Variants in C1orf146 observed in about 807,000 individuals in gnomAD.
The protein encoded by C1orf146 is protein SPO16 homolog.
In C1orf146, 22 loss-of-function variants were observed where a neutral mutation model predicts 23.0. The observed-to-expected ratio is 0.96, with a 90% confidence interval of 0.68 to 1.36. The LOEUF (loss-of-function observed/expected upper bound fraction) is 1.36, where lower values mean the gene tolerates loss of function less well. C1orf146 is among the 40% of genes most tolerant of loss of function. C1orf146 has a pLI of 0.00. For missense variants in C1orf146, 199 were observed against 206.8 expected (o/e 0.96, Z 0.23); for synonymous variants, 59 against 65.3 (o/e 0.90, Z 0.47).
chr1:92,226,418 C>CACAT (rs1481194444), intron 1 of C1orf146, among the ~76,000 whole-genome samples: 2 of 149,580 alleles, frequency 1.3e-5, no homozygotes, highest in East Asian at 3.9e-4. Context: ...CACACACATA[C>CACAT]ACACACACAC....
chr1:92,233,390 T>C (rs1437939359), intron 2 of C1orf146, among the ~76,000 whole-genome samples: 1 of 152,018 alleles, frequency 6.6e-6, no homozygotes, highest in Non-Finnish European at 1.5e-5. Context: ...TGCTTGTTTT[T>C]CTCAGGTTTG....
At chr1:92,240,788 T>G in intron 2 of C1orf146, 1 of 298,962 alleles carries the variant, frequency 3.3e-6, no homozygotes, top group South Asian at 3.1e-5. Context: ...CCTCCCAAAG[T>G]GCTAGGATTA....
chr1:92,245,414 A>G (rs1570802221), intron 5 of C1orf146, 126 bp from the exon 6 acceptor site: 2 of 714,624 alleles, frequency 2.8e-6, no homozygotes, highest in Admixed American at 3.4e-5. Flanking sequence ...TAACTCATAC[A>G]TAGTATTTAG....
intron 2 of C1orf146, among the ~76,000 whole-genome samples, chr1:92,231,795 T>C (rs979352933): frequency 1.5e-4 from 23 of 152,102 alleles, no homozygotes; most frequent in African/African-American, 5.3e-4. Flanking sequence ...TATATATTAG[T>C]TAAGGCTTTC....
At chr1:92,219,805 C>G (rs1359044901) in intron 1 of C1orf146, among the ~76,000 whole-genome samples, 2 of 152,038 alleles carry the variant, frequency 1.3e-5, no homozygotes, top group African/African-American at 4.8e-5. Flanking sequence ...TAGGTGTGTG[C>G]CACTGTGCCC....
chr1:92,244,484 C>G, intron 4 of C1orf146, 99 bp downstream of exon 4: 1 of 891,842 alleles, frequency 1.1e-6, no homozygotes, highest in South Asian at 1.9e-5. Flanking sequence ...ATGATGAACA[C>G]TGTGATGTTA....
chr1:92,244,784 TG>T lies in C1orf146; in HGVS notation c.338del (p.Gly113ValfsTer13). 6.3e-7 allele frequency: 1 copy of T among 1,598,730 alleles called. No homozygotes were observed. Among genetic ancestry groups the T allele is most frequent in the Non-Finnish European group, 8.6e-7 (1 of 1,166,646 alleles). On this transcript the variant is annotated frameshift_variant, in exon 5 of 6. Coordinates refer to ENST00000370375, the MANE Select transcript of C1orf146 (RefSeq NM_001012425.2). LOFTEE classifies it high-confidence loss of function. ...TAACATGAATTGTTTTTCAGATTCC[TG>T]GGTTGTAACTTACGAATACTTCCAG... ...KLMFRIQQRFLGCNLRILPVH... is the reference protein window; with the variant it reads ...KLMFRIQQRFXGCNLRILPVH...
intron 1 of C1orf146, among the ~76,000 whole-genome samples, chr1:92,227,119 A>G (rs1438561215): frequency 6.6e-6 from 1 of 152,022 alleles, no homozygotes; most frequent in Non-Finnish European, 1.5e-5. Flanking sequence ...CTTATATATT[A>G]TTGTTCTTAT....
chr1:92,236,650 T>C (rs921014217), intron 2 of C1orf146, among the ~76,000 whole-genome samples: 1 of 152,210 alleles, frequency 6.6e-6, no homozygotes, highest in Admixed American at 6.5e-5. Flanking sequence ...ATCTGAATGT[T>C]GGCCTGCCTT....
chr1:92,243,078 A>G (rs1408998587), intron 3 of C1orf146, among the ~76,000 whole-genome samples: 1 of 152,204 alleles, frequency 6.6e-6, no homozygotes, highest in African/African-American at 2.4e-5. Flanking sequence ...TGCCTTGGCT[A>G]CTTCATATAC....
intron 1 of C1orf146, chr1:92,229,384 C>G: frequency 1.8e-6 from 1 of 541,238 alleles, no homozygotes; most frequent in Non-Finnish European, 3.7e-6. Flanking sequence ...CGGAACCGTT[C>G]GTTGCCGATG....
At chr1:92,229,411 C>T (rs770560344) in intron 1 of C1orf146, 19 of 532,582 alleles carry the variant, frequency 3.6e-5, no homozygotes, top group African/African-American at 5.8e-5. Context: ...ACCTGGCCGT[C>T]GGGCAGCTTG....
chr1:92,238,343 TG>T (rs1415363117), intron 2 of C1orf146, among the ~76,000 whole-genome samples: 1 of 152,224 alleles, frequency 6.6e-6, no homozygotes, highest in Non-Finnish European at 1.5e-5. Flanking sequence ...AGTGTTTTTT[TG>T]TTTTGGTTTG....
Position 92,242,214 on chromosome 1 carries a change from T to C in C1orf146, c.69T>C (p.Ser23=). 6.4e-7 allele frequency: 1 copy of C among 1,564,716 alleles called. No individual in the cohort carries two copies. Among genetic ancestry groups the C allele is most frequent in the Non-Finnish European group, 8.7e-7 (1 of 1,145,188 alleles). Residue 23 remains serine, a splice_region_variant and synonymous_variant, in exon 3 of 6, where the codon AGT becomes AGC. Coordinates refer to ENST00000370375, the MANE Select transcript of C1orf146 (RefSeq NM_001012425.2). The part of the protein sequence containing the change: ...TTIIISSSLK[S]YEVATALENR... ...ATTTCTGATATTTTTTAAAAAAGAG[T>C]TATGAAGTTGCAACTGCCCTAGAAA...
chr1:92,244,309 C>T lies in C1orf146; in HGVS notation c.253C>T (p.Gln85Ter). ...AATTGAGAAATTTATTAACATTCACCAAAATAGTTTTTTGGTTTTGTCTGC... is the reference window on the plus strand; with the variant it reads ...AATTGAGAAATTTATTAACATTCACTAAAATAGTTTTTTGGTTTTGTCTGC... The part of the protein sequence containing the change: ...AKIEKFINIH[Q>*]NSFLVLSAAL... Residue 85 changes from glutamine to a stop codon, truncating the protein, a stop_gained, in exon 4 of 6, where the codon CAA becomes TAA. Coordinates refer to ENST00000370375, the MANE Select transcript of C1orf146 (RefSeq NM_001012425.2). LOFTEE classifies it high-confidence loss of function. The T allele has an allele frequency of 1.9e-6, 3 of 1,611,856 alleles. No individual in the cohort carries two copies. The highest frequency in any genetic ancestry group is 2.5e-6 in the Non-Finnish European group (3 of 1,178,468).
intron 4 of C1orf146, among the ~76,000 whole-genome samples, 155 bp downstream of exon 4, chr1:92,244,540 A>G (rs1355779507): frequency 6.6e-6 from 1 of 152,222 alleles, no homozygotes; most frequent in Non-Finnish European, 1.5e-5. Flanking sequence ...TATTCTATGA[A>G]TCGAGGTGAC....
intron 1 of C1orf146, among the ~76,000 whole-genome samples, chr1:92,220,367 A>G (rs114587075): frequency 5.0e-3 from 760 of 152,254 alleles, no homozygotes; most frequent in African/African-American, 0.017. Context: ...TTGCTTAATG[A>G]TGGGGATGTG....
intron 1 of C1orf146, among the ~76,000 whole-genome samples, chr1:92,225,662 A>G (rs574058746): frequency 6.6e-5 from 10 of 151,936 alleles, no homozygotes; most frequent in African/African-American, 2.4e-4. Context: ...TGTTTCATGT[A>G]TTTTGGAGGT....
At chr1:92,224,903 C>T (rs1343526029) in intron 1 of C1orf146, among the ~76,000 whole-genome samples, 2 of 151,894 alleles carry the variant, frequency 1.3e-5, no homozygotes, top group African/African-American at 4.8e-5. Flanking sequence ...CCACCACGCC[C>T]AGCTGATTTT....
Sources: gnomAD v4.1 joint callset for allele counts (sites outside exome capture counted in the v4.1 genomes callset) on GRCh38, gnomAD v4.1.1 for gene constraint, MANE v1.5 for transcripts, NCBI Gene and HGNC (gene_info 2026-07-23, HGNC 2026-07-21) for gene names.